The following CAPN1 variants were observed in gnomAD, a reference collection of about 807,000 sequenced individuals.
CAPN1 encodes the protein calpain-1 catalytic subunit.
CAPN1 carries 77 observed loss-of-function variants against 105.2 expected under a neutral mutation model. That is an observed-to-expected ratio of 0.73 (90% CI 0.61 to 0.88). The LOEUF is 0.88. Among genes scored for constraint, CAPN1 ranks in the 40% least tolerant of loss-of-function variants. The probability of loss-of-function intolerance (pLI) is 0.00; values close to 1 mark genes in which losing one functional copy is unlikely to be tolerated. For missense variants in CAPN1, 833 were observed against 976.6 expected (o/e 0.85, Z 1.96); for synonymous variants, 355 against 388.8 (o/e 0.91, Z 1.02).
rs1291794923 is a variant in CAPN1 at position 65,211,304 on chromosome 11, C to G, written c.*18C>G. 1 of 1,611,418 alleles carries G rather than the reference C, an allele frequency of 6.2e-7. No individual in the cohort carries two copies. The highest frequency in any genetic ancestry group is 1.1e-5 in the South Asian group (1 of 90,908). On this transcript the variant is annotated 3_prime_UTR_variant, in exon 22 of 22. Transcript: ENST00000279247. ...TTGCATGAGGCAGGGACTCGGTCCC[C>G]CTTGCCGTGCTCCCCTCCCTCCTCG...
Position 65,210,668 on chromosome 11 carries a change from G to A in CAPN1, c.2060-146G>A. The A allele has an allele frequency of 1.3e-6, 1 of 750,548 alleles. No individual in the cohort carries two copies. The highest frequency in any genetic ancestry group is 2.4e-6 in the Non-Finnish European group (1 of 422,566). The allele number at this position is 750,548 out of a possible 1,614,324, so 46.5% of individuals were successfully genotyped here. A position where few individuals can be genotyped will look rare whatever the true frequency, so the allele number is the denominator to read the frequency against. On this transcript the variant is annotated intron_variant, in intron 20 of 21. Transcript: ENST00000279247. The surrounding 1 kb of genome is among the most constrained non-coding windows in gnomAD (Gnocchi z 4.3). ...AGTGGCTTCTCAGGCAGCAGGAAGG[G>A]GTGAAGCTTCCCAGCTTCAAGGGGT... is the stretch of plus-strand genomic sequence containing the variant.
intron 10 of CAPN1, among the ~76,000 whole-genome samples, chr11:65,198,142 C>CT (rs11298685): frequency 1.5e-4 from 22 of 147,342 alleles, no homozygotes; most frequent in Admixed American, 2.7e-4. Flanking sequence ...TAATCAGTGT[C>CT]TTTTTTTTTT....
chr11:65,208,227 A>T lies in CAPN1; in HGVS notation c.1694A>T (p.Glu565Val). 1 of 1,575,866 alleles carries T rather than the reference A, an allele frequency of 6.3e-7. No individual in the cohort carries two copies. Among genetic ancestry groups the T allele is most frequent in the Non-Finnish European group, 8.6e-7 (1 of 1,160,598 alleles). The stretch of plus-strand genomic sequence containing the variant: ...CAGGACATGGAGATCAGCGTGAAGG[A>T]GTTGCGGACAATCCTCAATAGGATC... Reference protein sequence around the residue: ...AGEDMEISVKELRTILNRIIS... With the variant: ...AGEDMEISVKVLRTILNRIIS... The change falls in exon 16 of 22, where the codon GAG becomes GTG. Residue 565 changes from glutamate (E) to valine (V), a missense_variant. Coordinates refer to ENST00000279247, the MANE Select transcript of CAPN1 (RefSeq NM_005186.4). The surrounding 1 kb of genome is among the most constrained non-coding windows in gnomAD (Gnocchi z 4.1).
intron 10 of CAPN1, 84 bp from the exon 11 acceptor site, chr11:65,204,599 C>A: frequency 8.3e-7 from 1 of 1,208,014 alleles, no homozygotes; most frequent in Non-Finnish European, 1.2e-6. Context: ...TGAATGCGTG[C>A]ACAGGGACGT....
At position 65,204,666 on chromosome 11, in the gene CAPN1, T is replaced by TC. The variant is rs764206995; in HGVS notation, c.1166-15dup. On this transcript the variant is annotated splice_polypyrimidine_tract_variant and intron_variant, in intron 10 of 21. Transcript: ENST00000279247. ...CCCCGCCCTGCCTCTGATCCCCGCCTCCTCACCTGCCCGCAGCCACCTTCT... is the reference window on the plus strand; with the variant it reads ...CCCCGCCCTGCCTCTGATCCCCGCCTCCCTCACCTGCCCGCAGCCACCTTCT... 1 of 1,602,566 alleles carries TC rather than the reference T, an allele frequency of 6.2e-7. No homozygotes were observed. Among genetic ancestry groups the TC allele is most frequent in the Non-Finnish European group, 8.5e-7 (1 of 1,171,202 alleles).
chr11:65,199,099 T>G (rs1031306783), intron 10 of CAPN1, among the ~76,000 whole-genome samples: 3 of 152,208 alleles, frequency 2.0e-5, no homozygotes, highest in Non-Finnish European at 2.9e-5. Context: ...CCTCCCAAAG[T>G]GCTGAGATTA....
chr11:65,183,544 G>C lies in CAPN1; in HGVS notation c.408G>C (p.Pro136=), dbSNP rs747602003. The C allele has an allele frequency of 1.9e-6, 3 of 1,613,854 alleles. No individual in the cohort carries two copies. Among genetic ancestry groups the C allele is most frequent in the Non-Finnish European group, 2.5e-6 (3 of 1,179,776 alleles). The change falls in exon 4 of 22, where the codon CCG becomes CCC. Residue 136 remains proline, a synonymous_variant. Transcript: ENST00000279247. ...LNDTLLHRVV[P]HGQSFQNGYA... ...ACACCCTCCTGCACCGAGTGGTTCC[G>C]CACGGCCAGAGCTTCCAGAATGGCT...
rs972494734 is a variant in CAPN1, at chr11:65,188,444, T to C, written c.960T>C (p.Tyr320=). The change falls in exon 9 of 22, where the codon TAT becomes TAC. Residue 320 remains tyrosine (Y), a synonymous_variant. Transcript: ENST00000279247. The surrounding 1 kb of genome is among the most constrained non-coding windows in gnomAD (Gnocchi z 5.5). ...CAGAGTGGAACAACGTGGACCCATA[T>C]GAACGGGACCAGCTCCGGGTCAAGA... ...SSSEWNNVDP[Y]ERDQLRVKME... is the part of the protein sequence containing the mutation. 6 of 1,612,948 alleles carry C rather than the reference T, an allele frequency of 3.7e-6. No individual in the cohort carries two copies. Among genetic ancestry groups the C allele is most frequent in the Non-Finnish European group, 4.2e-6 (5 of 1,179,532 alleles).
rs1949033123 is a variant in CAPN1, at chr11:65,210,572, A to G, written c.2059+120A>G. 4.0e-6 allele frequency: 3 copies of G among 749,730 alleles called. No homozygotes were observed. The allele number at this position is 749,730 out of a possible 1,614,324, so 46.4% of individuals were successfully genotyped here. The stretch of plus-strand genomic sequence containing the variant: ...CAGGCCAGTGCTGTGGGTGTGTGCC[A>G]GAGAGGCCTGGGTCTGGGTTTGGGG... On this transcript the variant is annotated intron_variant, in intron 20 of 21. Transcript: ENST00000279247. This position sits in a 1 kb window ranked among gnomAD's most constrained non-coding sequence, Gnocchi z 4.3.
At chr11:65,199,389 C>T (rs542821967) in intron 10 of CAPN1, among the ~76,000 whole-genome samples, 63 of 152,162 alleles carry the variant, frequency 4.1e-4, no homozygotes, top group African/African-American at 1.4e-3. Flanking sequence ...TCATACTATA[C>T]GATTCACCAT....
At position 65,209,918 on chromosome 11, in the gene CAPN1, G is replaced by A. The variant is rs1449707017; in HGVS notation, c.1863+1G>A. ...GTGGAACCGCATCCGGAATTACCTGGTAGGTTGTCCCCACTCACCTCAGTC... is the reference window on the plus strand; with the variant it reads ...GTGGAACCGCATCCGGAATTACCTGATAGGTTGTCCCCACTCACCTCAGTC... On this transcript the variant is annotated splice_donor_variant, in intron 18 of 21. Transcript: ENST00000279247. LOFTEE classifies it high-confidence loss of function. The surrounding 1 kb of genome is among the most constrained non-coding windows in gnomAD (Gnocchi z 4.1). 2.5e-6 allele frequency: 4 copies of A among 1,613,462 alleles called. No homozygotes were observed. Among genetic ancestry groups the A allele is most frequent in the Admixed American group, 3.3e-5 (2 of 59,976 alleles).
At chr11:65,187,618 G>A in intron 7 of CAPN1, 1 of 477,514 alleles carries the variant, frequency 2.1e-6, no homozygotes, top group South Asian at 2.1e-5. Context: ...CAGGTGCACT[G>A]GCTCACACCT....
rs1949040229 is a variant in CAPN1 at position 65,210,995 on chromosome 11, C to T, written c.2118+123C>T. 7 of 914,076 alleles carry T rather than the reference C, an allele frequency of 7.7e-6. No individual in the cohort carries two copies. Among genetic ancestry groups the T allele is most frequent in the Admixed American group, 6.0e-5 (3 of 50,328 alleles). 56.6% of individuals were successfully genotyped at this position (914,076 alleles called of 1,614,324 possible). A position where few individuals can be genotyped will look rare whatever the true frequency, so the allele number is the denominator to read the frequency against. On this transcript the variant is annotated intron_variant, in intron 21 of 21. Transcript: ENST00000279247. The surrounding 1 kb of genome is among the most constrained non-coding windows in gnomAD (Gnocchi z 4.3). ...GGGCCTCAGAGCCAACCCTGAAGCC[C>T]GGGCCACCTGAATCCTGAAAGGCTG...
In CAPN1 at chr11:65,210,933, T is replaced by C. The variant is rs1949039332; in HGVS notation, c.2118+61T>C. The C allele has an allele frequency of 7.1e-7, 1 of 1,399,636 alleles. No individual in the cohort carries two copies. The highest frequency in any genetic ancestry group is 1.2e-5 in the South Asian group (1 of 86,652). 86.7% of individuals were successfully genotyped at this position (1,399,636 alleles called of 1,614,324 possible). ...TTCCAGGCGATCGAATTTTCTTATC[T>C]GGCCAGTGTTCCCTGTCCTTTCCTG... On this transcript the variant is annotated intron_variant, in intron 21 of 21. Transcript: ENST00000279247. This position sits in a 1 kb window ranked among gnomAD's most constrained non-coding sequence, Gnocchi z 4.3.
chr11:65,191,961 A>G (rs1035932790), intron 10 of CAPN1, among the ~76,000 whole-genome samples: 1 of 152,146 alleles, frequency 6.6e-6, no homozygotes, highest in African/African-American at 2.4e-5. Flanking sequence ...ATTGTTAAAT[A>G]CTTTGAATTG....
Position 65,182,863 on chromosome 11 carries a change from C to G in CAPN1, c.162C>G (p.Thr54=), listed in dbSNP as rs1213414742. The G allele has an allele frequency of 6.2e-7, 1 of 1,601,524 alleles. No homozygotes were observed. The highest frequency in any genetic ancestry group is 1.3e-5 in the African/African-American group (1 of 74,560). The change falls in exon 2 of 22, where the codon ACC becomes ACG. Residue 54 remains threonine (T), a synonymous_variant. Transcript: ENST00000279247. ...GGGTGCGATGCCTGCAGAGTGGGACCCTCTTCCGTGATGAGGCCTTCCCCC... is the reference window on the plus strand; with the variant it reads ...GGGTGCGATGCCTGCAGAGTGGGACGCTCTTCCGTGATGAGGCCTTCCCCC... ...QLRVRCLQSG[T]LFRDEAFPPV...
At chr11:65,189,149 G>A (rs546422989) in intron 10 of CAPN1, among the ~76,000 whole-genome samples, 14 of 152,122 alleles carry the variant, frequency 9.2e-5, no homozygotes, top group South Asian at 4.2e-4. Flanking sequence ...TTAGCCTCCC[G>A]AGTAGCTGGG....
At chr11:65,191,440 A>T (rs1333625003) in intron 10 of CAPN1, among the ~76,000 whole-genome samples, 1 of 152,136 alleles carries the variant, frequency 6.6e-6, no homozygotes, top group Non-Finnish European at 1.5e-5. Flanking sequence ...ATTTTTTGGC[A>T]CGATCTTAGC....
At chr11:65,181,671 C>A (rs550389675), upstream of CAPN1, 46 of 339,890 alleles carry the variant, frequency 1.4e-4, no homozygotes, top group East Asian at 3.7e-3. This position sits in a 1 kb window ranked among gnomAD's most constrained non-coding sequence, Gnocchi z 4.6. Context: ...GCGCCCCAGC[C>A]CCCCCATCCC....
Sources: gnomAD v4.1 joint callset for allele counts (sites outside exome capture counted in the v4.1 genomes callset) on GRCh38, gnomAD v4.1.1 for gene constraint, Gnocchi (gnomAD v3.1) non-coding constraint, MANE v1.5 for transcripts, NCBI Gene and HGNC (gene_info 2026-07-23, HGNC 2026-07-21) for gene names.